CDH13: variants seen among roughly 807,000 people sequenced by gnomAD.
CDH13 encodes the protein cadherin 13.
In CDH13, 24 loss-of-function variants were observed where a neutral mutation model predicts 63.8. That is an observed-to-expected ratio of 0.38 (90% confidence interval 0.27 to 0.53). CDH13 has a LOEUF of 0.53. CDH13 is among the 20% of genes least tolerant of loss of function. The probability of loss-of-function intolerance (pLI) is 0.85; values close to 1 mark genes in which losing one functional copy is unlikely to be tolerated. For missense variants in CDH13, 1,049 were observed against 903.1 expected (o/e 1.16, Z -2.07); for synonymous variants, 503 against 355.3 (o/e 1.42, Z -4.67).
intron 1 of CDH13, among the ~76,000 whole-genome samples, chr16:82,667,315 A>G (rs1194881560): frequency 2.0e-5 from 3 of 152,208 alleles, no homozygotes; most frequent in African/African-American, 7.2e-5. Flanking sequence ...TGAGGCAGGT[A>G]AGGAGGGGAG....
chr16:83,624,338 G>A (rs892226495), intron 8 of CDH13, among the ~76,000 whole-genome samples: 10 of 145,134 alleles, frequency 6.9e-5, no homozygotes, highest in African/African-American at 1.8e-4. Context: ...ATGAGATAAC[G>A]CCCCCACCCC....
At chr16:82,963,351 C>A (rs1259451458) in intron 2 of CDH13, among the ~76,000 whole-genome samples, 1 of 152,118 alleles carries the variant, frequency 6.6e-6, no homozygotes, top group African/African-American at 2.4e-5. Flanking sequence ...TGCACTCCAG[C>A]CTGGGCAACA....
chr16:82,697,416 C>CTTTATTT (rs2030438364), intron 1 of CDH13, among the ~76,000 whole-genome samples: 1 of 106,362 alleles, frequency 9.4e-6, no homozygotes, highest in Non-Finnish European at 1.9e-5. Flanking sequence ...CAAGGCATTT[C>CTTTATTT]TTTTTTCTTT....
intron 2 of CDH13, among the ~76,000 whole-genome samples, chr16:83,010,724 T>C (rs1025696637): frequency 6.6e-5 from 10 of 152,130 alleles, no homozygotes; most frequent in Non-Finnish European, 1.5e-4. Context: ...GAAATACTTA[T>C]TTTTTCTAAA....
chr16:83,315,095 T>C (rs1490611416), intron 5 of CDH13, among the ~76,000 whole-genome samples: 2 of 152,194 alleles, frequency 1.3e-5, no homozygotes, highest in African/African-American at 2.4e-5. Context: ...ATAACAGAGT[T>C]ACAGAATGCA....
In CDH13 at chr16:83,178,202, AATT is replaced by A. The variant is rs2038205415; in HGVS notation, c.484-39140_484-39138del. Among the ~76,000 whole-genome samples, 4 of 152,236 alleles carry A rather than the reference AATT, an allele frequency of 2.6e-5. No homozygotes were observed. In the South Asian group the frequency reaches 8.3e-4, roughly 32 times the overall value. ...AGAACTATAGACATTTGGGGCAGAT[AATT>A]ATGTTGTGGGAGGCCGTCCTGTGCT... On this transcript the variant is annotated intron_variant, in intron 4 of 13. Coordinates refer to ENST00000567109, the MANE Select transcript of CDH13 (RefSeq NM_001257.5).
intron 1 of CDH13, among the ~76,000 whole-genome samples, chr16:82,629,327 C>G (rs965824422): frequency 6.6e-6 from 1 of 152,150 alleles, no homozygotes; most frequent in Non-Finnish European, 1.5e-5. Context: ...TTTCTATTTT[C>G]AATTGTTATG....
chr16:83,553,027 T>G (rs4346196), intron 7 of CDH13, among the ~76,000 whole-genome samples: 1 of 150,866 alleles, frequency 6.6e-6, no homozygotes, highest in Non-Finnish European at 1.5e-5. Flanking sequence ...TGCAGTGAGC[T>G]GAGATCGCGT....
At chr16:82,928,836 A>C (rs530670918) in intron 2 of CDH13, among the ~76,000 whole-genome samples, 240 of 152,312 alleles carry the variant, frequency 1.6e-3, no homozygotes, top group African/African-American at 5.4e-3. Context: ...AGTGTTTCTG[A>C]GATGAACTGA....
intron 5 of CDH13, among the ~76,000 whole-genome samples, chr16:83,236,101 AAAGT>A (rs1295806989): frequency 9.2e-5 from 14 of 152,350 alleles, no homozygotes; most frequent in African/African-American, 3.4e-4. Flanking sequence ...TTTAGTCTCC[AAAGT>A]ATGTGGACGC....
intron 1 of CDH13, among the ~76,000 whole-genome samples, chr16:82,693,618 G>A (rs1398862736): frequency 6.6e-6 from 1 of 152,208 alleles, no homozygotes; most frequent in Non-Finnish European, 1.5e-5. Context: ...ATGCCAAGAT[G>A]CAGGACCACA....
intron 3 of CDH13, among the ~76,000 whole-genome samples, chr16:83,039,628 G>A (rs1411315082): frequency 6.6e-6 from 1 of 151,996 alleles, no homozygotes; most frequent in Non-Finnish European, 1.5e-5. Context: ...CTTCCTTCCT[G>A]TGTGTTCACC....
intron 2 of CDH13, among the ~76,000 whole-genome samples, chr16:82,925,457 T>A (rs2042274093): frequency 6.6e-6 from 1 of 152,208 alleles, no homozygotes; most frequent in Non-Finnish European, 1.5e-5. Context: ...TTTATGTCAA[T>A]CAGCATTGCC....
chr16:83,018,590 T>C (rs188174454), intron 2 of CDH13, among the ~76,000 whole-genome samples: 1 of 152,198 alleles, frequency 6.6e-6, no homozygotes, highest in Admixed American at 6.5e-5. Context: ...TAACCTGAAT[T>C]GCTTTAGGCC....
At chr16:83,521,004 C>A (rs1025517889) in intron 7 of CDH13, among the ~76,000 whole-genome samples, 2 of 152,070 alleles carry the variant, frequency 1.3e-5, no homozygotes, top group Non-Finnish European at 2.9e-5. Flanking sequence ...TTAAATTTCA[C>A]CTTTGTAATG....
At chr16:83,621,298 C>G (rs1192453384) in intron 8 of CDH13, among the ~76,000 whole-genome samples, 1 of 152,096 alleles carries the variant, frequency 6.6e-6, no homozygotes, top group Non-Finnish European at 1.5e-5. Flanking sequence ...TTGGGGTCAG[C>G]TCTGTAGGAT....
In CDH13 at chr16:82,909,252, A is replaced by ATGTGTGTGTGTGTGTG. The variant is rs10527714; in HGVS notation, c.157+50805_157+50820dup. ...CACAGAAACTGAGGACTGACTGTAT[A>ATGTGTGTGTGTGTGTG]TGTGTGTGTGTGTGTGTGTGTGTGT... On this transcript the variant is annotated intron_variant, in intron 2 of 13. Coordinates refer to ENST00000567109, the MANE Select transcript of CDH13 (RefSeq NM_001257.5). 1.9e-3 allele frequency among the ~76,000 whole-genome samples: 275 copies of ATGTGTGTGTGTGTGTG among 146,946 alleles called. 2 individuals carry two copies. Among genetic ancestry groups the ATGTGTGTGTGTGTGTG allele is most frequent in the African/African-American group, 5.3e-3 (211 of 39,920 alleles).
At chr16:83,562,009 A>G (rs557505412) in intron 7 of CDH13, among the ~76,000 whole-genome samples, 2 of 152,336 alleles carry the variant, frequency 1.3e-5, no homozygotes, top group South Asian at 4.1e-4. Flanking sequence ...CCTAGAGAGC[A>G]GAATTCTGAG....
intron 7 of CDH13, among the ~76,000 whole-genome samples, chr16:83,536,462 G>C (rs1422088157): frequency 1.3e-5 from 2 of 152,114 alleles, no homozygotes; most frequent in Non-Finnish European, 2.9e-5. Flanking sequence ...CAGGGAGAGA[G>C]AAAAGGGTGA....
Sources: allele counts gnomAD v4.1 joint callset (sites outside exome capture counted in the v4.1 genomes callset), GRCh38; gene constraint gnomAD v4.1.1; transcripts MANE v1.5; gene names NCBI Gene and HGNC (gene_info 2026-07-23, HGNC 2026-07-21).